Variants in CSPP1 observed in about 807,000 individuals in gnomAD.
The protein encoded by CSPP1 is centrosome and spindle pole associated protein 1.
Under a neutral mutation model 164.4 loss-of-function variants are expected in CSPP1, and 126 were observed. The ratio of observed to expected loss-of-function variants is 0.77; its 90% CI spans 0.66 to 0.89. The LOEUF (loss-of-function observed/expected upper bound fraction) is 0.89. Among genes scored for constraint, CSPP1 ranks in the 40% least tolerant of loss-of-function variants. The pLI is 0.00. For synonymous variants in CSPP1, 472 were observed against 476.7 expected, an observed-to-expected ratio of 0.99 and a Z score of 0.13; for missense variants, 1,395 against 1,449.8, an observed-to-expected ratio of 0.96 and a Z score of 0.61.
At chr8:67,093,497 T>C (rs1487758858) in intron 5 of CSPP1, 46 bp from the exon 6 acceptor site, 10 of 1,231,064 alleles carry the variant, frequency 8.1e-6, no homozygotes, top group Non-Finnish European at 1.2e-5. Flanking sequence ...GGATTTTTTT[T>C]TCCTGAAGTT....
rs1374530363 is a variant in CSPP1 at position 67,064,410 on chromosome 8, G to T, written c.-139G>T. On this transcript the variant is annotated 5_prime_UTR_variant, in exon 1 of 31. Transcript: ENST00000678616. ...CCCGGAGGTCTGTCATGCTGTTCCC[G>T]CTCCAGGTGGCCGCTGTAACCTCTT... 1.2e-6 allele frequency: 2 copies of T among 1,613,642 alleles called. No individual in the cohort carries two copies. The highest frequency in any genetic ancestry group is 1.1e-5 in the South Asian group (1 of 91,064).
intron 6 of CSPP1, 146 bp from the exon 7 acceptor site, chr8:67,095,147 A>G (rs1396738049): frequency 4.6e-6 from 2 of 433,114 alleles, no homozygotes; most frequent in Non-Finnish European, 8.0e-6. Flanking sequence ...CATTAATGTA[A>G]AAACGTATAT....
In CSPP1 at chr8:67,091,861, T is replaced by C. The variant is rs898799658; in HGVS notation, c.362T>C (p.Ile121Thr). 8 of 1,347,904 alleles carry C rather than the reference T, an allele frequency of 5.9e-6. No homozygotes were observed. In the African/African-American group the frequency reaches 1.0e-4, roughly 18 times the overall value. 83.5% of individuals were successfully genotyped at this position (1,347,904 alleles called of 1,614,324 possible). The change falls in exon 5 of 31, where the codon ATT becomes ACT. Residue 121 changes from isoleucine to threonine, a missense_variant. Transcript: ENST00000678616. ...TCTACTTTGGGAGTTTCTCTTCCTA[T>C]TGGTGAGAGGTTATCTGCTAAGGTA... ...DPSTLGVSLP[I>T]GERLSAKERL...
intron 28 of CSPP1, among the ~76,000 whole-genome samples, chr8:67,185,104 CAAAA>C (rs562540567): frequency 8.2e-6 from 1 of 121,950 alleles, no homozygotes; most frequent in Non-Finnish European, 1.8e-5. Context: ...GACTCCGTCT[CAAAA>C]AAAAAAAAAC....
At chr8:67,131,914 C>A in intron 15 of CSPP1, 37 bp from the exon 16 acceptor site, 2 of 1,535,514 alleles carry the variant, frequency 1.3e-6, no homozygotes, top group South Asian at 1.2e-5. Flanking sequence ...GCTTTGTCGT[C>A]AATGGATTTA....
At chr8:67,162,727 AC>A (rs1226512768) in intron 22 of CSPP1, among the ~76,000 whole-genome samples, 1 of 152,126 alleles carries the variant, frequency 6.6e-6, no homozygotes, top group African/African-American at 2.4e-5. Flanking sequence ...GAGACTGAGG[AC>A]CCAAACAAAG....
chr8:67,195,443 A>C lies in CSPP1; in HGVS notation c.3531A>C (p.Ser1177=). 1 of 1,614,226 alleles carries C rather than the reference A, an allele frequency of 6.2e-7. No individual in the cohort carries two copies. The highest frequency in any genetic ancestry group is 1.1e-5 in the South Asian group (1 of 91,088). ...DIMKHIGDDG[S]NSVATEPWLR... The stretch of plus-strand genomic sequence containing the variant: ...TGAAACACATAGGGGATGACGGATC[A>C]AACTCTGTAGCAACTGAGCCCTGGC... The change falls in exon 31 of 31, where the codon TCA becomes TCC. Residue 1177 remains serine, a synonymous_variant. Coordinates refer to ENST00000678616, the MANE Select transcript of CSPP1 (RefSeq NM_001382391.1).
At chr8:67,186,354 G>A (rs922951649) in intron 28 of CSPP1, among the ~76,000 whole-genome samples, 2 of 151,742 alleles carry the variant, frequency 1.3e-5, no homozygotes, top group African/African-American at 4.8e-5. Flanking sequence ...AGTAGTGGTG[G>A]TCAGACATGG....
intron 13 of CSPP1, among the ~76,000 whole-genome samples, 158 bp from the exon 14 acceptor site, chr8:67,118,089 TA>T (rs1818279529): frequency 6.6e-6 from 1 of 152,190 alleles, no homozygotes; most frequent in African/African-American, 2.4e-5. Flanking sequence ...ATTTGCTTTT[TA>T]AGTCATAATT....
At position 67,159,111 on chromosome 8, in the gene CSPP1, G is replaced by C. The variant is rs1827218496; in HGVS notation, c.2512G>C (p.Asp838His). The change falls in exon 21 of 31, where the codon GAC becomes CAC. Residue 838 changes from aspartate (D) to histidine (H), a missense_variant. Transcript: ENST00000678616. ...GCAACTTCAGCACTACTGTGAAAGA[G>C]ACAATTTGATTGGGGAAGAAACAAA... The part of the protein sequence containing the change: ...NLQLQHYCER[D>H]NLIGEETKHM... 1 of 1,601,002 alleles carries C rather than the reference G, an allele frequency of 6.2e-7. No individual in the cohort carries two copies. The highest frequency in any genetic ancestry group is 1.4e-5 in the African/African-American group (1 of 73,882).
intron 8 of CSPP1, among the ~76,000 whole-genome samples, chr8:67,103,839 C>CAAA (rs757419585): frequency 6.7e-5 from 4 of 59,706 alleles, no homozygotes; most frequent in African/African-American, 1.5e-4. Context: ...GACTCCCTCT[C>CAAA]AAAAAAAAAA....
chr8:67,160,763 T>G (rs1430444408), intron 21 of CSPP1, among the ~76,000 whole-genome samples: 1 of 151,882 alleles, frequency 6.6e-6, no homozygotes, highest in African/African-American at 2.4e-5. Flanking sequence ...TTTAGTTAGC[T>G]TCTATCTTTA....
At chr8:67,165,297 G>T (rs187131846) in intron 24 of CSPP1, among the ~76,000 whole-genome samples, 1 of 152,060 alleles carries the variant, frequency 6.6e-6, no homozygotes, top group Non-Finnish European at 1.5e-5. Flanking sequence ...AAGAAAAGTT[G>T]CAAACAATAC....
intron 17 of CSPP1, among the ~76,000 whole-genome samples, chr8:67,146,246 C>T (rs909118331): frequency 3.3e-5 from 5 of 151,992 alleles, no homozygotes; most frequent in South Asian, 2.1e-4. Flanking sequence ...CCTCAGCTCC[C>T]CCAAGTAGCA....
intron 24 of CSPP1, among the ~76,000 whole-genome samples, chr8:67,165,976 GTTTA>G (rs1415734562): frequency 6.6e-6 from 1 of 152,022 alleles, no homozygotes; most frequent in African/African-American, 2.4e-5. Context: ...TTATTCAATC[GTTTA>G]TTTATTACTG....
rs1805078439 is a variant in CSPP1 at position 67,064,447 on chromosome 8, G to A, written c.-102G>A. On this transcript the variant is annotated 5_prime_UTR_variant, in exon 1 of 31. Coordinates refer to ENST00000678616, the MANE Select transcript of CSPP1 (RefSeq NM_001382391.1). ...CGCTGTAACCTCTTCGGTCCGCGAC[G>A]ATCCTCTAGAGCACTGTGTGTCTCC... 1 of 1,613,864 alleles carries A rather than the reference G, an allele frequency of 6.2e-7. No individual in the cohort carries two copies. Among genetic ancestry groups the A allele is most frequent in the African/African-American group, 1.3e-5 (1 of 74,938 alleles).
chr8:67,148,173 C>A (rs1824990026), intron 17 of CSPP1, among the ~76,000 whole-genome samples: 1 of 152,140 alleles, frequency 6.6e-6, no homozygotes, highest in Non-Finnish European at 1.5e-5. Context: ...CCCTCTTTGG[C>A]CTCCCAAAGT....
In CSPP1 at chr8:67,141,390, C is replaced by T. The variant is rs77375310; in HGVS notation, c.1975+3787C>T. Among the ~76,000 whole-genome samples the T allele has an allele frequency of 2.8e-4, 42 of 152,246 alleles. No homozygotes were observed. The East Asian group carries it at 8.1e-3, about 29-fold the overall frequency. On this transcript the variant is annotated intron_variant, in intron 17 of 30. Coordinates refer to ENST00000678616, the MANE Select transcript of CSPP1 (RefSeq NM_001382391.1). Reference sequence around the variant, plus strand: ...GTTTAGTTGGCTTATTTAATGCCGTCTTCATGCCATGAAATAGAAAAGGCA... The same window carrying T: ...GTTTAGTTGGCTTATTTAATGCCGTTTTCATGCCATGAAATAGAAAAGGCA...
intron 9 of CSPP1, among the ~76,000 whole-genome samples, chr8:67,109,898 CTTATT>C (rs1268764371): frequency 2.0e-5 from 3 of 152,060 alleles, no homozygotes; most frequent in African/African-American, 7.2e-5. Context: ...GTTTGAGTAA[CTTATT>C]TTATCAGTAA....
Sources: allele counts gnomAD v4.1 joint callset (sites outside exome capture counted in the v4.1 genomes callset), GRCh38; gene constraint gnomAD v4.1.1; transcripts MANE v1.5; gene names NCBI Gene and HGNC (gene_info 2026-07-23, HGNC 2026-07-21).